The following SRRM3 variants were observed in gnomAD, a reference collection of about 807,000 sequenced individuals.
SRRM3 encodes serine/arginine repetitive matrix protein 3.
Under a neutral mutation model 66.2 loss-of-function variants are expected in SRRM3, and 27 were observed. The ratio of observed to expected loss-of-function variants is 0.41; its 90% confidence interval spans 0.30 to 0.56. The LOEUF is 0.56. Among genes scored for constraint, SRRM3 ranks in the 20% least tolerant of loss-of-function variants. SRRM3 has a pLI of 0.32. For synonymous variants in SRRM3, 391 were observed against 414.9 expected (o/e 0.94, Z 0.70); for missense variants, 918 against 991.9 (o/e 0.93, Z 1.00).
chr7:76,274,704 T>A (rs782323397), intron 11 of SRRM3, among the ~76,000 whole-genome samples: 4 of 152,150 alleles, frequency 2.6e-5, no homozygotes, highest in Non-Finnish European at 4.4e-5. Flanking sequence ...CCAGGGCTCA[T>A]CCAGCCACAC....
intron 2 of SRRM3, among the ~76,000 whole-genome samples, chr7:76,242,647 G>A (rs1306587973): frequency 8.5e-5 from 13 of 152,254 alleles, no homozygotes; most frequent in Middle Eastern, 3.4e-3. Context: ...TGTAGAGTCC[G>A]TGGGAGCCCT....
At chr7:76,247,573 GGAGGGGCTCAGCCTCACCT>G (rs1243438064) in intron 2 of SRRM3, among the ~76,000 whole-genome samples, 4 of 152,204 alleles carry the variant, frequency 2.6e-5, no homozygotes, top group Non-Finnish European at 5.9e-5. Context: ...AGGGTACGGA[GGAGGGGCTCAGCCTCACCT>G]GAGGGGCGAG....
At chr7:76,233,639 G>C (rs1308755270) in intron 1 of SRRM3, among the ~76,000 whole-genome samples, 1 of 152,092 alleles carries the variant, frequency 6.6e-6, no homozygotes, top group Non-Finnish European at 1.5e-5. Context: ...GAACAGCTTT[G>C]GTCTCTGAGT....
At chr7:76,253,806 A>C (rs1554607287) in intron 3 of SRRM3, among the ~76,000 whole-genome samples, 1 of 150,410 alleles carries the variant, frequency 6.6e-6, no homozygotes, top group African/African-American at 2.4e-5. Flanking sequence ...AAAAAAAAAA[A>C]AAAAGGACAT....
At chr7:76,224,364 G>A (rs1800802499) in intron 1 of SRRM3, among the ~76,000 whole-genome samples, 1 of 151,396 alleles carries the variant, frequency 6.6e-6, no homozygotes, top group South Asian at 2.1e-4. Flanking sequence ...ACAGGCATGA[G>A]CCACCGCGCC....
chr7:76,205,687 C>T (rs782578460), intron 1 of SRRM3, among the ~76,000 whole-genome samples: 1 of 152,230 alleles, frequency 6.6e-6, no homozygotes, highest in Non-Finnish European at 1.5e-5. Flanking sequence ...TTCAGTGTCC[C>T]TGCAGCTCAC....
intron 1 of SRRM3, among the ~76,000 whole-genome samples, chr7:76,229,738 C>T (rs1362329891): frequency 6.8e-6 from 1 of 147,980 alleles, no homozygotes; most frequent in Non-Finnish European, 1.5e-5. Flanking sequence ...TCTTCTTCTT[C>T]TTCTTTTTTT....
intron 3 of SRRM3, among the ~76,000 whole-genome samples, chr7:76,253,548 G>C (rs1272065077): frequency 6.6e-6 from 1 of 151,834 alleles, no homozygotes; most frequent in Non-Finnish European, 1.5e-5. Flanking sequence ...GTGAACCCGG[G>C]AGGTGGAGCT....
At chr7:76,247,373 T>C (rs1313769823) in intron 2 of SRRM3, among the ~76,000 whole-genome samples, 2 of 151,882 alleles carry the variant, frequency 1.3e-5, no homozygotes, top group African/African-American at 4.8e-5. Context: ...CTTGGCAGCC[T>C]TACCCTTGCA....
intron 1 of SRRM3, among the ~76,000 whole-genome samples, chr7:76,232,102 T>A (rs1554604287): frequency 6.6e-6 from 1 of 152,208 alleles, no homozygotes; most frequent in Non-Finnish European, 1.5e-5. Flanking sequence ...CCTCCTGTTG[T>A]CACGTCTTTG....
intron 1 of SRRM3, among the ~76,000 whole-genome samples, chr7:76,215,563 G>A (rs2116948741): frequency 6.7e-6 from 1 of 149,932 alleles, no homozygotes; most frequent in East Asian, 2.0e-4. Context: ...TACTACACTG[G>A]CTAATTTTTT....
chr7:76,247,728 T>A (rs1801476623), intron 2 of SRRM3, among the ~76,000 whole-genome samples: 1 of 152,186 alleles, frequency 6.6e-6, no homozygotes, highest in Non-Finnish European at 1.5e-5. Context: ...ATGGAGTCTC[T>A]GGGTCACCTA....
intron 2 of SRRM3, among the ~76,000 whole-genome samples, chr7:76,237,803 G>C (rs1554605135): frequency 6.6e-6 from 1 of 151,076 alleles, no homozygotes; most frequent in Non-Finnish European, 1.5e-5. Flanking sequence ...CCTCTTCTCT[G>C]TACTTTCCCA....
At chr7:76,284,382 TAGTC>T (rs1802606375) in intron 14 of SRRM3, among the ~76,000 whole-genome samples, 1 of 152,126 alleles carries the variant, frequency 6.6e-6, no homozygotes, top group African/African-American at 2.4e-5. Flanking sequence ...TTCACCATGT[TAGTC>T]AGGCTGGTCT....
chr7:76,264,943 T>A, intron 9 of SRRM3, 128 bp downstream of exon 9: 3 of 1,077,656 alleles, frequency 2.8e-6, no homozygotes, highest in South Asian at 3.3e-5. Context: ...AAAATTAAGA[T>A]CTAGAAAGAA....
At chr7:76,237,298 T>A (rs1414967699) in intron 2 of SRRM3, among the ~76,000 whole-genome samples, 1 of 152,144 alleles carries the variant, frequency 6.6e-6, no homozygotes, top group Non-Finnish European at 1.5e-5. Context: ...TCCCAGCTGC[T>A]CAGGAGGCTG....
chr7:76,209,179 A>C (rs1483275018), intron 1 of SRRM3, among the ~76,000 whole-genome samples: 2 of 152,198 alleles, frequency 1.3e-5, no homozygotes, highest in African/African-American at 4.8e-5. Context: ...TAGACTATAC[A>C]ATCGACATTT....
chr7:76,281,398 C>A, intron 11 of SRRM3, 43 bp from the exon 12 acceptor site: 1 of 1,199,662 alleles, frequency 8.3e-7, no homozygotes, highest in South Asian at 4.2e-5. Context: ...TCTCTCGTCT[C>A]CCTCTCCCCC....
rs1220062584 is a variant in SRRM3, at chr7:76,239,708, A to AAAAAAC, written c.233+4432_233+4437dup. Among the ~76,000 whole-genome samples, 11 of 152,284 alleles carry AAAAAAC rather than the reference A, an allele frequency of 7.2e-5. No homozygotes were observed. The East Asian group carries it at 1.2e-3, about 16-fold the overall frequency. ...GCAGAGCAAGACCCCATCTAAAAAC[A>AAAAAAC]AAAAACAAAAACAAAAACAAAAACA... is the stretch of plus-strand genomic sequence containing the variant. On this transcript the variant is annotated intron_variant, in intron 2 of 14. Transcript: ENST00000611745.
Sources: allele counts gnomAD v4.1 joint callset (sites outside exome capture counted in the v4.1 genomes callset), GRCh38; gene constraint gnomAD v4.1.1; transcripts MANE v1.5; gene names NCBI Gene and HGNC (gene_info 2026-07-23, HGNC 2026-07-21).